Variants in EHBP1 observed in about 807,000 individuals in gnomAD.
EHBP1 encodes the protein EH domain-binding protein 1.
EHBP1 carries 55 observed loss-of-function variants against 144.0 expected under a neutral mutation model. The observed-to-expected ratio is 0.38, with a 90% CI of 0.31 to 0.48. EHBP1 has a LOEUF of 0.48. EHBP1 is among the 20% of genes least tolerant of loss of function. The probability of loss-of-function intolerance (pLI) is 0.98; values close to 1 mark genes in which losing one functional copy is unlikely to be tolerated. For synonymous variants in EHBP1, 469 were observed against 472.7 expected, an observed-to-expected ratio of 0.99 and a Z score of 0.10; for missense variants, 1,200 against 1,364.2, an observed-to-expected ratio of 0.88 and a Z score of 1.90.
At chr2:62,785,088 A>G (rs2042710261) in intron 5 of EHBP1, among the ~76,000 whole-genome samples, 1 of 151,970 alleles carries the variant, frequency 6.6e-6, no homozygotes, top group Admixed American at 6.6e-5. Flanking sequence ...GTATACACAT[A>G]TATGTACCTG....
At chr2:62,832,554 T>TTCTCTGTG (rs1275522527) in intron 7 of EHBP1, among the ~76,000 whole-genome samples, 2 of 152,012 alleles carry the variant, frequency 1.3e-5, no homozygotes, top group Admixed American at 1.3e-4. Context: ...CTCACTTCGT[T>TTCTCTGTG]TCTCTGTGTC....
chr2:62,863,786 AT>A (rs946065587), intron 8 of EHBP1, among the ~76,000 whole-genome samples: 27 of 145,898 alleles, frequency 1.9e-4, no homozygotes, highest in Non-Finnish European at 4.1e-4. Flanking sequence ...AAGTGAATCA[AT>A]TTCCTGTTCT....
At chr2:62,837,325 A>T (rs2152694438) in intron 7 of EHBP1, among the ~76,000 whole-genome samples, 1 of 145,960 alleles carries the variant, frequency 6.9e-6, no homozygotes, top group Middle Eastern at 3.4e-3. Context: ...GCCCTAAAAG[A>T]GCTCCTGAAG....
At chr2:62,721,645 G>T (rs1393692609) in intron 2 of EHBP1, among the ~76,000 whole-genome samples, 3 of 152,108 alleles carry the variant, frequency 2.0e-5, no homozygotes, top group Non-Finnish European at 4.4e-5. Context: ...AGTAGATTTT[G>T]CTTGTAGCGA....
chr2:62,845,415 ATCT>A (rs2048220143), intron 7 of EHBP1, among the ~76,000 whole-genome samples: 1 of 152,190 alleles, frequency 6.6e-6, no homozygotes, highest in African/African-American at 2.4e-5. Context: ...AGGGAACAAA[ATCT>A]AACAGCACAG....
intron 9 of EHBP1, among the ~76,000 whole-genome samples, chr2:62,872,541 A>G (rs1320797739): frequency 4.6e-5 from 7 of 152,154 alleles, no homozygotes; most frequent in Non-Finnish European, 8.8e-5. Context: ...ACACAATACT[A>G]TCTCTGTACA....
chr2:62,990,492 ATAAC>A (rs1404371456), intron 15 of EHBP1, among the ~76,000 whole-genome samples: 1 of 152,180 alleles, frequency 6.6e-6, no homozygotes, highest in East Asian at 1.9e-4. Flanking sequence ...TAACTATAGT[ATAAC>A]TAAGTTCTCT....
chr2:62,682,428 A>G (rs1162665675), intron 1 of EHBP1, among the ~76,000 whole-genome samples: 2 of 152,056 alleles, frequency 1.3e-5, no homozygotes, highest in African/African-American at 2.4e-5. Context: ...TAATAGTCAT[A>G]TTTTCCAATT....
In EHBP1 at chr2:62,990,740, T is replaced by C. The variant is rs2059381182; in HGVS notation, c.2633T>C (p.Leu878Ser). ...SGEQNSKLVD[L>S]KLKKLLEVQP... Reference sequence around the variant, plus strand: ...GAACAAAACAGTAAGTTGGTGGACTTGAAGCTGAAGAAGCTCCTAGAAGTT... The same window carrying C: ...GAACAAAACAGTAAGTTGGTGGACTCGAAGCTGAAGAAGCTCCTAGAAGTT... The change falls in exon 16 of 23, where the codon TTG (leucine) becomes TCG (serine). Residue 878 changes from leucine to serine, a missense_variant. Transcript: ENST00000431489. 3 of 1,613,740 alleles carry C rather than the reference T, an allele frequency of 1.9e-6. No individual in the cohort carries two copies. Among genetic ancestry groups the C allele is most frequent in the Non-Finnish European group, 2.5e-6 (3 of 1,179,832 alleles).
intron 6 of EHBP1, among the ~76,000 whole-genome samples, chr2:62,827,533 A>G (rs1313821991): frequency 6.6e-6 from 1 of 152,166 alleles, no homozygotes; most frequent in African/African-American, 2.4e-5. Flanking sequence ...TCTCAATTTG[A>G]ATTGAAAAGG....
At chr2:62,830,096 G>T (rs973248590) in intron 6 of EHBP1, among the ~76,000 whole-genome samples, 7 of 146,840 alleles carry the variant, frequency 4.8e-5, no homozygotes, top group Admixed American at 1.4e-4. Flanking sequence ...CAGCCTAAAA[G>T]CTCATTGACC....
In EHBP1 at chr2:62,990,870, T is replaced by G. The variant is rs772236300; in HGVS notation, c.2733+30T>G. ...GTCTTACTTGTTTAAAACATTTGGC[T>G]TAGTATCTGTGTCTTCTAGTTTCTG... is the stretch of plus-strand genomic sequence containing the variant. On this transcript the variant is annotated intron_variant, in intron 16 of 22. Transcript: ENST00000431489. 2.5e-6 allele frequency: 4 copies of G among 1,583,384 alleles called. No homozygotes were observed. In the Admixed American group the frequency reaches 7.2e-5, roughly 28 times the overall value.
intron 5 of EHBP1, among the ~76,000 whole-genome samples, chr2:62,816,793 A>G (rs1274197065): frequency 2.0e-5 from 3 of 152,192 alleles, no homozygotes; most frequent in Non-Finnish European, 4.4e-5. Flanking sequence ...TAGCTTTCCA[A>G]GGTATTACTG....
chr2:62,914,286 C>G (rs1483631642), intron 10 of EHBP1, among the ~76,000 whole-genome samples: 1 of 151,996 alleles, frequency 6.6e-6, no homozygotes, highest in Non-Finnish European at 1.5e-5. Flanking sequence ...TTGCAGTTGT[C>G]TCTAGGGAAA....
chr2:63,034,238 A>T (rs183259555), intron 19 of EHBP1, among the ~76,000 whole-genome samples: 1 of 152,152 alleles, frequency 6.6e-6, no homozygotes, highest in Admixed American at 6.5e-5. Flanking sequence ...GTTTTAAAAT[A>T]TAGTGTAACA....
intron 5 of EHBP1, among the ~76,000 whole-genome samples, chr2:62,778,522 C>T (rs1310936773): frequency 1.2e-4 from 17 of 140,702 alleles, no homozygotes; most frequent in South Asian, 2.2e-4. Flanking sequence ...CCAGCCTGGG[C>T]GACAGAGTGA....
chr2:62,744,380 G>T (rs946142438), intron 2 of EHBP1, among the ~76,000 whole-genome samples: 1 of 151,968 alleles, frequency 6.6e-6, no homozygotes, highest in East Asian at 1.9e-4. Context: ...TCTCTTGGGA[G>T]TATATAAGTA....
intron 1 of EHBP1, among the ~76,000 whole-genome samples, chr2:62,680,766 A>C (rs1288252079): frequency 6.6e-6 from 1 of 152,230 alleles, no homozygotes; most frequent in Non-Finnish European, 1.5e-5. Flanking sequence ...GTAGCTATAC[A>C]GAAAACAAGA....
intron 10 of EHBP1, among the ~76,000 whole-genome samples, chr2:62,884,769 G>T (rs2051777523): frequency 6.6e-6 from 1 of 152,190 alleles, no homozygotes; most frequent in South Asian, 2.1e-4. Context: ...GAATATGCCT[G>T]TATATCTAAG....
Sources: allele counts gnomAD v4.1 joint callset (sites outside exome capture counted in the v4.1 genomes callset), GRCh38; gene constraint gnomAD v4.1.1; transcripts MANE v1.5; gene names NCBI Gene and HGNC (gene_info 2026-07-23, HGNC 2026-07-21).